The following SLC9A9 variants were observed in gnomAD, a reference collection of about 807,000 sequenced individuals.
SLC9A9 encodes the protein sodium/hydrogen exchanger 9.
Under a neutral mutation model 77.8 loss-of-function variants are expected in SLC9A9, and 62 were observed. That is an observed-to-expected ratio of 0.80 (90% confidence interval 0.65 to 0.98). SLC9A9 has a LOEUF of 0.98. SLC9A9 is among the 50% of genes least tolerant of loss of function. SLC9A9 has a pLI of 0.00. For missense variants in SLC9A9, 775 were observed against 774.9 expected (o/e 1.00, Z 0.00); for synonymous variants, 320 against 283.5 (o/e 1.13, Z -1.29).
intron 5 of SLC9A9, among the ~76,000 whole-genome samples, chr3:143,657,928 G>A (rs999016738): frequency 1.3e-5 from 2 of 151,908 alleles, no homozygotes; most frequent in African/African-American, 2.4e-5. Flanking sequence ...GTGCAGTGGC[G>A]CAATCTCAGC....
chr3:143,848,263 TC>T lies in SLC9A9; in HGVS notation c.59del (p.Gly20GlufsTer17). 6.2e-7 allele frequency: 1 copy of T among 1,614,008 alleles called. No homozygotes were observed. Among genetic ancestry groups the T allele is most frequent in the Non-Finnish European group, 8.5e-7 (1 of 1,179,936 alleles). ...AATTGAAGACAAGCAGCTCCACCGC[TC>T]CCTGATGTTGAAACTGATACTCATC... is the stretch of plus-strand genomic sequence containing the variant. ...EKDEYQFQHQGAVELLVFNFL... is the reference protein window; with the variant it reads ...EKDEYQFQHQXAVELLVFNFL... On this transcript the variant is annotated frameshift_variant, in exon 1 of 16. Transcript: ENST00000316549. LOFTEE classifies it high-confidence loss of function.
intron 11 of SLC9A9, among the ~76,000 whole-genome samples, chr3:143,484,643 G>C (rs1276754699): frequency 1.1e-5 from 1 of 94,800 alleles, no homozygotes; most frequent in Non-Finnish European, 3.2e-5. Flanking sequence ...AGGTTTGCAT[G>C]AGGGACATGT....
At chr3:143,356,307 T>C (rs565216494) in intron 14 of SLC9A9, among the ~76,000 whole-genome samples, 1 of 152,318 alleles carries the variant, frequency 6.6e-6, no homozygotes, top group East Asian at 1.9e-4. Context: ...AGTAGGAAGC[T>C]GTTTTAATAA....
At chr3:143,434,079 G>C (rs1441686833) in intron 12 of SLC9A9, among the ~76,000 whole-genome samples, 1 of 152,000 alleles carries the variant, frequency 6.6e-6, no homozygotes, top group Non-Finnish European at 1.5e-5. Context: ...AAAGTATATG[G>C]CACATAGTAG....
At chr3:143,374,882 CTATTT>C (rs2033146360) in intron 13 of SLC9A9, among the ~76,000 whole-genome samples, 1 of 152,102 alleles carries the variant, frequency 6.6e-6, no homozygotes, top group African/African-American at 2.4e-5. Context: ...TTCATCTTTT[CTATTT>C]TATGTACCCA....
intron 4 of SLC9A9, among the ~76,000 whole-genome samples, chr3:143,717,552 G>A (rs867761899): frequency 2.0e-5 from 3 of 152,304 alleles, no homozygotes; most frequent in Middle Eastern, 3.4e-3. Context: ...GGAAACAATG[G>A]AAACAATCCA....
rs557663661 is a variant in SLC9A9 at position 143,539,255 on chromosome 3, G to C, written c.1089+13107C>G. ...ACCAAACTCTTGTTCTCACTTGTTA[G>C]ATTTCCCTCTCGGGTACTTTATTAG... On this transcript the variant is annotated intron_variant, in intron 9 of 15. Transcript: ENST00000316549. Among the ~76,000 whole-genome samples the C allele has an allele frequency of 2.0e-5, 3 of 152,256 alleles. No individual in the cohort carries two copies. The South Asian group carries it at 6.2e-4, about 32-fold the overall frequency.
chr3:143,300,572 T>A (rs1429433235), intron 14 of SLC9A9, among the ~76,000 whole-genome samples: 1 of 152,230 alleles, frequency 6.6e-6, no homozygotes, highest in Non-Finnish European at 1.5e-5. Context: ...CCTGAGATTC[T>A]GCATTTCTAA....
At chr3:143,271,292 ACTTGGCTCC>A (rs1352073919) in intron 14 of SLC9A9, among the ~76,000 whole-genome samples, 1 of 152,202 alleles carries the variant, frequency 6.6e-6, no homozygotes, top group Non-Finnish European at 1.5e-5. Flanking sequence ...GAACAGTATC[ACTTGGCTCC>A]CTCTGTGCAG....
intron 9 of SLC9A9, among the ~76,000 whole-genome samples, chr3:143,544,070 G>T (rs941648930): frequency 6.6e-6 from 1 of 152,032 alleles, no homozygotes; most frequent in African/African-American, 2.4e-5. Context: ...ATTCTGACTG[G>T]TGTAAGATAA....
intron 12 of SLC9A9, among the ~76,000 whole-genome samples, chr3:143,394,204 T>G (rs527680655): frequency 1.2e-4 from 18 of 152,242 alleles, no homozygotes; most frequent in African/African-American, 3.6e-4. Flanking sequence ...AAATCCTCAA[T>G]AAAATACTGG....
chr3:143,728,708 G>A (rs566732357), intron 4 of SLC9A9, among the ~76,000 whole-genome samples: 1 of 152,232 alleles, frequency 6.6e-6, no homozygotes, highest in African/African-American at 2.4e-5. Flanking sequence ...TTGGCTTCGG[G>A]GAGGGAGGCA....
chr3:143,815,546 T>TTTTA (rs2008984156), intron 2 of SLC9A9, among the ~76,000 whole-genome samples: 1 of 151,120 alleles, frequency 6.6e-6, no homozygotes, highest in Admixed American at 6.6e-5. Context: ...TTTGCTATTT[T>TTTTA]AAAAAAAAAA....
At chr3:143,612,250 A>C (rs2038035205) in intron 6 of SLC9A9, among the ~76,000 whole-genome samples, 2 of 152,220 alleles carry the variant, frequency 1.3e-5, no homozygotes, top group Admixed American at 1.3e-4. Context: ...CATAGCAGTT[A>C]AACTTTGCAT....
rs181719932 is a variant in SLC9A9, at chr3:143,546,741, A to G, written c.1089+5621T>C. ...ATAAGCCTAGAAAAAACTCTAATAC[A>G]TCATTTTTTTCTTTACTGTTTCATC... On this transcript the variant is annotated intron_variant, in intron 9 of 15. Coordinates refer to ENST00000316549, the MANE Select transcript of SLC9A9 (RefSeq NM_173653.4). Among the ~76,000 whole-genome samples the G allele has an allele frequency of 2.3e-3, 348 of 152,310 alleles. 2 individuals are homozygous for G. Among genetic ancestry groups the G allele is most frequent in the African/African-American group, 7.7e-3 (322 of 41,580 alleles).
intron 4 of SLC9A9, among the ~76,000 whole-genome samples, chr3:143,749,998 A>G (rs2006657400): frequency 6.6e-6 from 1 of 152,216 alleles, no homozygotes; most frequent in African/African-American, 2.4e-5. Context: ...ATTTTTTGTT[A>G]TAAGATTAAG....
intron 8 of SLC9A9, among the ~76,000 whole-genome samples, chr3:143,563,624 A>T (rs951216411): frequency 4.6e-5 from 7 of 152,164 alleles, no homozygotes; most frequent in African/African-American, 1.4e-4. Flanking sequence ...GGGGAAGAAA[A>T]CGTAAGATCA....
intron 2 of SLC9A9, among the ~76,000 whole-genome samples, chr3:143,821,593 G>A (rs1334472880): frequency 1.3e-5 from 2 of 152,202 alleles, no homozygotes; most frequent in African/African-American, 2.4e-5. Flanking sequence ...TCCTAAAAAT[G>A]AAATTAGGTA....
chr3:143,443,714 A>C (rs1266155394), intron 12 of SLC9A9, among the ~76,000 whole-genome samples: 2 of 152,238 alleles, frequency 1.3e-5, no homozygotes, highest in Non-Finnish European at 2.9e-5. Context: ...CTAATTCACA[A>C]TAAGTAGAAC....
Sources: gnomAD v4.1 joint callset for allele counts (sites outside exome capture counted in the v4.1 genomes callset) on GRCh38, gnomAD v4.1.1 for gene constraint, MANE v1.5 for transcripts, NCBI Gene and HGNC (gene_info 2026-07-23, HGNC 2026-07-21) for gene names.